The following ATF2 variants were observed in gnomAD, a reference collection of about 807,000 sequenced individuals.
The protein encoded by ATF2 is cyclic AMP-dependent transcription factor ATF-2.
ATF2 carries 24 observed loss-of-function variants against 60.6 expected under a neutral mutation model. The ratio of observed to expected loss-of-function variants is 0.40; its 90% CI spans 0.29 to 0.56. ATF2 has a LOEUF of 0.56. ATF2 is among the 20% of genes least tolerant of loss of function. The pLI is 0.54. For synonymous variants in ATF2, 206 were observed against 215.4 expected (o/e 0.96, Z 0.38); for missense variants, 433 against 607.7 (o/e 0.71, Z 3.02).
intron 4 of ATF2, among the ~76,000 whole-genome samples, chr2:175,129,927 C>G (rs902098415): frequency 7.2e-5 from 11 of 151,936 alleles, no homozygotes; most frequent in African/African-American, 1.9e-4. Flanking sequence ...ATGCTCCCCC[C>G]CTCCGTATTG....
chr2:175,151,634 A>G (rs1199654290), intron 1 of ATF2, among the ~76,000 whole-genome samples: 1 of 152,206 alleles, frequency 6.6e-6, no homozygotes, highest in East Asian at 1.9e-4. Context: ...ACTTTTAAAT[A>G]TATGTGTATC....
chr2:175,160,067 C>T (rs539301583), intron 1 of ATF2, among the ~76,000 whole-genome samples: 3 of 152,154 alleles, frequency 2.0e-5, no homozygotes, highest in South Asian at 4.1e-4. Context: ...ATAAAAATTT[C>T]TCATTATGAA....
intron 11 of ATF2, among the ~76,000 whole-genome samples, chr2:175,094,403 G>GAAAAAAAAAAAAAAAAAAAAAAA (rs61440218): frequency 2.1e-4 from 13 of 61,144 alleles, no homozygotes; most frequent in Non-Finnish European, 3.1e-4. Flanking sequence ...CAAAAAATAC[G>GAAAAAAAAAAAAAAAAAAAAAAA]AAAAAAAAAA....
intron 9 of ATF2, 85 bp from the exon 10 acceptor site, chr2:175,111,739 A>C (rs1466991249): frequency 1.7e-6 from 2 of 1,171,950 alleles, no homozygotes; most frequent in Admixed American, 4.1e-5. Context: ...ATAATTTGAG[A>C]CTTTAAGAAT....
chr2:175,117,313 C>A (rs1398233098), intron 7 of ATF2, among the ~76,000 whole-genome samples: 7 of 151,922 alleles, frequency 4.6e-5, no homozygotes, highest in Non-Finnish European at 1.0e-4. Context: ...AGCTCCTCTG[C>A]CATGACAGAA....
chr2:175,072,967 A>G lies in ATF2; in HGVS notation c.*1642T>C, dbSNP rs1179355990. On this transcript the variant is annotated 3_prime_UTR_variant, in exon 14 of 14. Coordinates refer to ENST00000264110, the MANE Select transcript of ATF2 (RefSeq NM_001880.4). ...TCAAGGATATTCCATACAGACTTTT[A>G]AAATGTCAGTCTCATTAGGAGATGG... 1 of 152,110 alleles carries G rather than the reference A, an allele frequency of 6.6e-6. No individual in the cohort carries two copies. The highest frequency in any genetic ancestry group is 1.5e-5 in the Non-Finnish European group (1 of 68,012). 9.4% of individuals were successfully genotyped at this position (152,110 alleles called of 1,614,324 possible).
intron 4 of ATF2, among the ~76,000 whole-genome samples, chr2:175,126,255 A>C (rs2105734095): frequency 6.6e-6 from 1 of 152,242 alleles, no homozygotes. Flanking sequence ...GCTACTTCTT[A>C]ATCTTCTGTG....
chr2:175,130,865 C>G (rs1351625866), intron 3 of ATF2, among the ~76,000 whole-genome samples: 2 of 152,108 alleles, frequency 1.3e-5, no homozygotes, highest in Non-Finnish European at 2.9e-5. Flanking sequence ...TTTCTAAATC[C>G]TTAATTTCCA....
chr2:175,107,700 C>T (rs770566709), intron 10 of ATF2, among the ~76,000 whole-genome samples: 6 of 152,190 alleles, frequency 3.9e-5, no homozygotes, highest in South Asian at 2.1e-4. Context: ...CGAGTGCCTG[C>T]GATTGCAGGC....
chr2:175,128,720 C>T, intron 4 of ATF2, among the ~76,000 whole-genome samples: 1 of 152,110 alleles, frequency 6.6e-6, no homozygotes, highest in South Asian at 2.1e-4. Flanking sequence ...AAATTAGAAA[C>T]ATCTGCTCAT....
intron 10 of ATF2, among the ~76,000 whole-genome samples, chr2:175,108,331 A>G (rs1381344700): frequency 4.0e-4 from 46 of 115,256 alleles, no homozygotes; most frequent in East Asian, 1.1e-3. Flanking sequence ...TGGGGGGTCA[A>G]CCCCCGCCCG....
chr2:175,124,787 A>C (rs1697210127), intron 4 of ATF2, among the ~76,000 whole-genome samples: 1 of 152,024 alleles, frequency 6.6e-6, no homozygotes, highest in African/African-American at 2.4e-5. Flanking sequence ...CTACCAAAGA[A>C]ACATTTTTCA....
chr2:175,079,691 G>A (rs750798887), intron 13 of ATF2, among the ~76,000 whole-genome samples: 1 of 152,098 alleles, frequency 6.6e-6, no homozygotes, highest in Non-Finnish European at 1.5e-5. Context: ...AGTAAAGATG[G>A]TGGCCATTAA....
chr2:175,163,108 T>C (rs1700122900), intron 1 of ATF2, among the ~76,000 whole-genome samples: 1 of 151,836 alleles, frequency 6.6e-6, no homozygotes. Flanking sequence ...CACTCCAGCC[T>C]GGGCAACAGA....
intron 13 of ATF2, among the ~76,000 whole-genome samples, chr2:175,077,771 A>C (rs1693442973): frequency 6.6e-6 from 1 of 152,182 alleles, no homozygotes; most frequent in Non-Finnish European, 1.5e-5. Context: ...ATACACATCA[A>C]ATACCTTTAC....
chr2:175,163,469 G>A (rs1224907111), intron 1 of ATF2, among the ~76,000 whole-genome samples: 1 of 152,028 alleles, frequency 6.6e-6, no homozygotes, highest in Non-Finnish European at 1.5e-5. Flanking sequence ...CACTACTACT[G>A]TTGGAAGTAT....
chr2:175,156,808 G>A (rs1441784811), intron 1 of ATF2, among the ~76,000 whole-genome samples: 1 of 152,118 alleles, frequency 6.6e-6, no homozygotes, highest in East Asian at 1.9e-4. Flanking sequence ...CTGGACTTCT[G>A]GCCTACTAAA....
chr2:175,086,543 G>T (rs1369045335), intron 12 of ATF2, among the ~76,000 whole-genome samples: 2 of 152,088 alleles, frequency 1.3e-5, no homozygotes, highest in Non-Finnish European at 2.9e-5. Flanking sequence ...AGAGACAAAA[G>T]CTGAGTGGTT....
At chr2:175,076,074 G>A (rs752508386) in intron 13 of ATF2, among the ~76,000 whole-genome samples, 1 of 152,140 alleles carries the variant, frequency 6.6e-6, no homozygotes, top group Non-Finnish European at 1.5e-5. Context: ...GACATCTTAT[G>A]AAGCAGGACT....
Sources: gnomAD v4.1 joint callset for allele counts (sites outside exome capture counted in the v4.1 genomes callset) on GRCh38, gnomAD v4.1.1 for gene constraint, MANE v1.5 for transcripts, NCBI Gene and HGNC (gene_info 2026-07-23, HGNC 2026-07-21) for gene names.